The following ALDH1L2 variants were observed in gnomAD, a reference collection of about 807,000 sequenced individuals.
ALDH1L2 encodes the protein aldehyde dehydrogenase 1 family member L2, also known as mitochondrial 10-formyltetrahydrofolate dehydrogenase.
In ALDH1L2, 91 loss-of-function variants were observed where a neutral mutation model predicts 111.0. The observed-to-expected ratio is 0.82, with a 90% CI of 0.69 to 0.98. The LOEUF is 0.98. ALDH1L2 is among the 50% of genes least tolerant of loss of function. ALDH1L2 has a pLI of 0.00. For synonymous variants in ALDH1L2, 374 were observed against 392.6 expected, an observed-to-expected ratio of 0.95 and a Z score of 0.56; for missense variants, 995 against 1,126.8, an observed-to-expected ratio of 0.88 and a Z score of 1.67.
intron 19 of ALDH1L2, 30 bp from the exon 20 acceptor site, chr12:105,031,964 A>G (rs1398733149): frequency 3.1e-6 from 5 of 1,606,586 alleles, no homozygotes; most frequent in Non-Finnish European, 4.3e-6. Context: ...TAAAAACACA[A>G]TTCACTGTTA....
intron 18 of ALDH1L2, among the ~76,000 whole-genome samples, chr12:105,037,567 G>A (rs1202066369): frequency 6.6e-6 from 1 of 152,142 alleles, no homozygotes; most frequent in Non-Finnish European, 1.5e-5. Context: ...TGCCTGCTAT[G>A]ACTCATATCC....
intron 19 of ALDH1L2, among the ~76,000 whole-genome samples, chr12:105,033,993 C>T (rs985346135): frequency 7.9e-5 from 12 of 152,242 alleles, no homozygotes; most frequent in African/African-American, 2.9e-4. Flanking sequence ...TGAAAGTAGA[C>T]ACATAATACA....
intron 20 of ALDH1L2, among the ~76,000 whole-genome samples, chr12:105,030,911 A>G (rs1565949180): frequency 6.6e-6 from 1 of 152,194 alleles, no homozygotes; most frequent in East Asian, 1.9e-4. Context: ...TGTTTGATTT[A>G]GGATTCAAAT....
intron 18 of ALDH1L2, among the ~76,000 whole-genome samples, chr12:105,036,101 G>T (rs184218705): frequency 2.0e-5 from 1 of 50,386 alleles, no homozygotes; most frequent in Non-Finnish European, 3.0e-5. Context: ...TTATATATAC[G>T]TATATTTATA....
At chr12:105,076,931 A>G (rs1194167867) in intron 1 of ALDH1L2, among the ~76,000 whole-genome samples, 3 of 152,270 alleles carry the variant, frequency 2.0e-5, no homozygotes, top group Non-Finnish European at 4.4e-5. Flanking sequence ...CAGAAAGTTA[A>G]GTAACCTGCC....
intron 9 of ALDH1L2, 154 bp downstream of exon 9, chr12:105,060,827 G>GA (rs10674036): frequency 0.19 from 26,404 of 138,638 alleles, 2,993 homozygotes; most frequent in African/African-American, 0.37. Context: ...TCCATCTCAG[G>GA]AAAAAAAAAA....
chr12:105,068,159 C>G (rs1189102626), intron 4 of ALDH1L2, among the ~76,000 whole-genome samples: 7 of 152,114 alleles, frequency 4.6e-5, no homozygotes, highest in Admixed American at 4.6e-4. Flanking sequence ...CTACTTCTTT[C>G]ATACTAGCTC....
At chr12:105,047,639 G>T (rs1875999820) in intron 13 of ALDH1L2, 1 of 152,166 alleles carries the variant, frequency 6.6e-6, no homozygotes, top group Admixed American at 6.6e-5. Flanking sequence ...ACAGGAATAA[G>T]TTGGCTGTTA....
At chr12:105,055,672 C>G (rs1325379320) in intron 10 of ALDH1L2, among the ~76,000 whole-genome samples, 1 of 141,336 alleles carries the variant, frequency 7.1e-6, no homozygotes, top group Non-Finnish European at 1.6e-5. Flanking sequence ...CTAAAGGAAA[C>G]CATGTCTAAA....
chr12:105,049,268 C>A (rs143000894), intron 13 of ALDH1L2, among the ~76,000 whole-genome samples: 1 of 152,042 alleles, frequency 6.6e-6, no homozygotes, highest in Non-Finnish European at 1.5e-5. Context: ...ACTTTAGATT[C>A]GGAAAATCTT....
chr12:105,052,877 T>A lies in ALDH1L2; in HGVS notation c.1342A>T (p.Asn448Tyr). The A allele has an allele frequency of 6.2e-7, 1 of 1,614,130 alleles. No homozygotes were observed. Among genetic ancestry groups the A allele is most frequent in the South Asian group, 1.1e-5 (1 of 91,090 alleles). The change falls in exon 11 of 23, where the codon AAT becomes TAT. Residue 448 changes from asparagine (N) to tyrosine (Y), a missense_variant. By Grantham distance (143) the Asn-to-Tyr change is moderately radical (BLOSUM62 -2). Coordinates refer to ENST00000258494, the MANE Select transcript of ALDH1L2 (RefSeq NM_001034173.4). ...TCGTCTGCATCTGTGAACTGTCCAT[T>A]TATGAAACACTGGTATGGCATTTTT... ...MVKMPYQCFI[N>Y]GQFTDADDGK...
rs980661581 is a variant in ALDH1L2 at position 105,051,994 on chromosome 12, G to C, written c.1535+96C>G. 4.0e-5 allele frequency: 47 copies of C among 1,164,098 alleles called. No homozygotes were observed. The African/African-American group carries it at 6.0e-4, about 15-fold the overall frequency. The allele number at this position is 1,164,098 out of a possible 1,614,324, so 72.1% of individuals were successfully genotyped here. A position where few individuals can be genotyped will look rare whatever the true frequency, so the allele number is the denominator to read the frequency against. On this transcript the variant is annotated intron_variant, in intron 12 of 22. Transcript: ENST00000258494. ...AGGCTGAGGCAGGTGAATCACCTGAGGTCAGGAATTTGAGACCAGCCTGGC... is the reference window on the plus strand; with the variant it reads ...AGGCTGAGGCAGGTGAATCACCTGACGTCAGGAATTTGAGACCAGCCTGGC...
At chr12:105,073,527 G>A (rs1190431195) in intron 2 of ALDH1L2, among the ~76,000 whole-genome samples, 1 of 152,196 alleles carries the variant, frequency 6.6e-6, no homozygotes, top group Non-Finnish European at 1.5e-5. Flanking sequence ...GTATATGGCA[G>A]AGACTGCTAG....
Position 105,024,429 on chromosome 12 carries a change from A to G in ALDH1L2, c.2767T>C (p.Tyr923His). Reference sequence around the variant, plus strand: ...TTCCTGATGATGGTGTTGCTCTAATATTCCAGTGTCACCGTCTTGGTTTTG... The same window carrying G: ...TTCCTGATGATGGTGTTGCTCTAATGTTCCAGTGTCACCGTCTTGGTTTTG... The part of the protein sequence containing the change: ...YLKTKTVTLE[Y>H] Residue 923 changes from tyrosine (Y) to histidine (H), a missense_variant, in exon 23 of 23, where the codon TAT (tyrosine) becomes CAT (histidine). Physicochemically the swap from Tyr to His is moderately conservative, Grantham distance 83. Transcript: ENST00000258494. The G allele has an allele frequency of 2.5e-6, 4 of 1,614,006 alleles. No homozygotes were observed. Among genetic ancestry groups the G allele is most frequent in the Non-Finnish European group, 3.4e-6 (4 of 1,179,946 alleles).
intron 9 of ALDH1L2, 29 bp downstream of exon 9, chr12:105,060,952 C>T (rs760904338): frequency 1.3e-6 from 2 of 1,594,842 alleles, no homozygotes; most frequent in South Asian, 2.2e-5. Context: ...GAGGGAATCC[C>T]TAGTGAGTCA....
chr12:105,072,133 A>G (rs7962686), intron 2 of ALDH1L2, among the ~76,000 whole-genome samples: 57,909 of 142,700 alleles, frequency 0.41, 12,523 homozygotes, highest in Middle Eastern at 0.6. Context: ...TACTATTATT[A>G]ATATATAATT....
chr12:105,065,090 G>A (rs1046529541), intron 6 of ALDH1L2, among the ~76,000 whole-genome samples, 177 bp downstream of exon 6: 1 of 152,110 alleles, frequency 6.6e-6, no homozygotes, highest in Non-Finnish European at 1.5e-5. Context: ...ATCAGGCGCT[G>A]GATTTAGTGT....
At chr12:105,027,188 A>G (rs1874461106) in intron 21 of ALDH1L2, among the ~76,000 whole-genome samples, 1 of 152,270 alleles carries the variant, frequency 6.6e-6, no homozygotes, top group Non-Finnish European at 1.5e-5. Flanking sequence ...TTAAATTTTT[A>G]TAAATGAAAA....
At chr12:105,046,323 G>A (rs946166226) in intron 15 of ALDH1L2, among the ~76,000 whole-genome samples, 2 of 134,554 alleles carry the variant, frequency 1.5e-5, no homozygotes, top group Non-Finnish European at 3.1e-5. Context: ...TGCAACCTCC[G>A]CCTTTACAAT....
Sources: gnomAD v4.1 joint callset for allele counts (sites outside exome capture counted in the v4.1 genomes callset) on GRCh38, gnomAD v4.1.1 for gene constraint, MANE v1.5 for transcripts, NCBI Gene and HGNC (gene_info 2026-07-23, HGNC 2026-07-21) for gene names.